Variants in XKR6 observed in about 807,000 individuals in gnomAD.
XKR6 encodes XK-related protein 6.
Under a neutral mutation model 56.7 loss-of-function variants are expected in XKR6, and 22 were observed. The observed-to-expected ratio is 0.39, with a 90% CI of 0.28 to 0.55. The LOEUF (loss-of-function observed/expected upper bound fraction) is 0.55, where lower values mean the gene tolerates loss of function less well. XKR6 is among the 20% of genes least tolerant of loss of function. XKR6 has a pLI of 0.66. For missense variants in XKR6, 852 were observed against 889.0 expected (o/e 0.96, Z 0.53); for synonymous variants, 524 against 387.8 (o/e 1.35, Z -4.13).
At chr8:11,001,828 G>T (rs776365498) in intron 1 of XKR6, among the ~76,000 whole-genome samples, 1 of 152,204 alleles carries the variant, frequency 6.6e-6, no homozygotes, top group African/African-American at 2.4e-5. Flanking sequence ...TGCCGGTCAG[G>T]GGCAAGCGGC....
intron 1 of XKR6, among the ~76,000 whole-genome samples, chr8:11,002,084 C>G (rs1230442925): frequency 7.2e-6 from 1 of 139,762 alleles, no homozygotes; most frequent in Non-Finnish European, 1.5e-5. Flanking sequence ...AAAAAAAACA[C>G]ACAAAAAACC....
In XKR6 at chr8:11,011,012, T is replaced by G. The variant is rs544884252; in HGVS notation, c.765-86182A>C. On this transcript the variant is annotated intron_variant, in intron 1 of 2. Transcript: ENST00000416569. ...ACACTGTATACATTGTCTCCGCATCTCTCAGCAACCCAATCAGTCAAGATT... is the reference window on the plus strand; with the variant it reads ...ACACTGTATACATTGTCTCCGCATCGCTCAGCAACCCAATCAGTCAAGATT... Among the ~76,000 whole-genome samples the G allele has an allele frequency of 8.5e-5, 13 of 152,320 alleles. No homozygotes were observed. The South Asian group carries it at 1.4e-3, about 17-fold the overall frequency.
At chr8:11,014,789 T>A (rs140212006) in intron 1 of XKR6, among the ~76,000 whole-genome samples, 3 of 152,038 alleles carry the variant, frequency 2.0e-5, no homozygotes, top group South Asian at 2.1e-4. Context: ...AACCTCAGCA[T>A]CCCGCAACAT....
At chr8:10,957,650 G>A (rs143325086) in intron 1 of XKR6, among the ~76,000 whole-genome samples, 15 of 152,298 alleles carry the variant, frequency 9.8e-5, no homozygotes, top group African/African-American at 2.9e-4. Context: ...GCCAAGAGCC[G>A]CTGATGCCCA....
At chr8:10,990,304 G>T (rs111502814) in intron 1 of XKR6, among the ~76,000 whole-genome samples, 1 of 152,212 alleles carries the variant, frequency 6.6e-6, no homozygotes, top group Non-Finnish European at 1.5e-5. Flanking sequence ...AGACCAGCAG[G>T]TGGGAAGTTG....
intron 2 of XKR6, among the ~76,000 whole-genome samples, chr8:10,904,104 G>A (rs185840535): frequency 1.5e-4 from 23 of 152,256 alleles, no homozygotes; most frequent in Admixed American, 1.2e-3. Context: ...ACTGCATTCC[G>A]AAGATCAGAC....
chr8:10,955,354 T>A (rs946605857), intron 1 of XKR6, among the ~76,000 whole-genome samples: 2 of 152,130 alleles, frequency 1.3e-5, no homozygotes, highest in African/African-American at 2.4e-5. Flanking sequence ...CTTATTTTTT[T>A]ATTTTTTGTA....
intron 1 of XKR6, among the ~76,000 whole-genome samples, chr8:10,991,365 A>C (rs530495800): frequency 7.9e-5 from 12 of 152,288 alleles, no homozygotes; most frequent in African/African-American, 2.9e-4. Flanking sequence ...CTGTAGTTGC[A>C]ACTGCCTCTT....
intron 1 of XKR6, among the ~76,000 whole-genome samples, chr8:11,119,137 C>T (rs1292120154): frequency 6.6e-6 from 1 of 152,036 alleles, no homozygotes; most frequent in East Asian, 1.9e-4. Context: ...GTTTCTTAAT[C>T]CTGAGTTCTA....
chr8:11,200,868 C>T lies in XKR6; in HGVS notation c.472G>A (p.Asp158Asn). Reference protein sequence around the residue: ...WLALDYYRKGDYVYFGLTLFF... With the variant: ...WLALDYYRKGNYVYFGLTLFF... ...AGGGTCAGCCCGAAGTAGACGTAGT[C>T]CCCCTTGCGGTAGTAGTCGAGGGCC... The change falls in exon 1 of 3, where the codon GAC (aspartate) becomes AAC (asparagine). Residue 158 changes from aspartate (D) to asparagine (N), a missense_variant. Physicochemically the swap from Asp to Asn is conservative, Grantham distance 23 (BLOSUM62 1). This residue lies in a region of XKR6 where 417 missense variants were observed against 355.2 expected (regional missense o/e 1.17). Coordinates refer to ENST00000416569, the MANE Select transcript of XKR6 (RefSeq NM_173683.4). This position sits in a 1 kb window ranked among gnomAD's most constrained non-coding sequence, Gnocchi z 6.4. The T allele has an allele frequency of 1.2e-6, 2 of 1,611,878 alleles. No homozygotes were observed. Among genetic ancestry groups the T allele is most frequent in the Non-Finnish European group, 1.7e-6 (2 of 1,179,518 alleles).
At chr8:10,914,450 C>T (rs1452878562) in intron 2 of XKR6, among the ~76,000 whole-genome samples, 1 of 152,144 alleles carries the variant, frequency 6.6e-6, no homozygotes, top group African/African-American at 2.4e-5. Flanking sequence ...GTAGTCTTTC[C>T]TGCAGCTGGA....
At chr8:11,103,971 T>G (rs1336060971) in intron 1 of XKR6, among the ~76,000 whole-genome samples, 1 of 152,210 alleles carries the variant, frequency 6.6e-6, no homozygotes, top group East Asian at 1.9e-4. Flanking sequence ...TGGGAGGAGA[T>G]GCGGAGTAAT....
At chr8:10,970,287 G>C (rs573314860) in intron 1 of XKR6, among the ~76,000 whole-genome samples, 1 of 152,288 alleles carries the variant, frequency 6.6e-6, no homozygotes, top group Admixed American at 6.5e-5. Context: ...GTGGCCTAGG[G>C]GATGGGTACT....
intron 1 of XKR6, among the ~76,000 whole-genome samples, chr8:11,004,429 G>C (rs952199035): frequency 2.0e-5 from 3 of 152,128 alleles, no homozygotes; most frequent in African/African-American, 4.8e-5. Flanking sequence ...CCGAGATCAT[G>C]ACGCCACTGC....
At chr8:11,105,861 C>T (rs951539769) in intron 1 of XKR6, 1 of 152,154 alleles carries the variant, frequency 6.6e-6, no homozygotes, top group Non-Finnish European at 1.5e-5. Flanking sequence ...GGAACACAAA[C>T]ATATACAAGC....
chr8:10,955,660 G>A (rs1801865086), intron 1 of XKR6, among the ~76,000 whole-genome samples: 1 of 152,184 alleles, frequency 6.6e-6, no homozygotes, highest in African/African-American at 2.4e-5. Context: ...GAGCTGGGAG[G>A]TGAACCCAAG....
chr8:10,924,152 C>T (rs947637151), intron 2 of XKR6, among the ~76,000 whole-genome samples: 1 of 152,242 alleles, frequency 6.6e-6, no homozygotes, highest in Non-Finnish European at 1.5e-5. Flanking sequence ...ACTTAAGCTG[C>T]TTTACAAATG....
chr8:11,103,966 G>A (rs1483657858), intron 1 of XKR6, among the ~76,000 whole-genome samples: 1 of 152,178 alleles, frequency 6.6e-6, no homozygotes, highest in Non-Finnish European at 1.5e-5. Flanking sequence ...ACCCTTGGGA[G>A]GAGATGCGGA....
At chr8:11,001,007 C>T (rs756363716) in intron 1 of XKR6, among the ~76,000 whole-genome samples, 1 of 152,202 alleles carries the variant, frequency 6.6e-6, no homozygotes, top group Non-Finnish European at 1.5e-5. Flanking sequence ...AGAAGGTGGA[C>T]ACCACCCCCA....
Sources: gnomAD v4.1 joint callset for allele counts (sites outside exome capture counted in the v4.1 genomes callset) on GRCh38, gnomAD v4.1.1 for gene constraint, gnomAD v4.1.1 regional missense constraint, Gnocchi (gnomAD v3.1) non-coding constraint, MANE v1.5 for transcripts, NCBI Gene and HGNC (gene_info 2026-07-23, HGNC 2026-07-21) for gene names.